The following SLCO4C1 variants were observed in gnomAD, a reference collection of about 807,000 sequenced individuals.
The protein encoded by SLCO4C1 is solute carrier organic anion transporter family member 4C1, also known as organic anion transporter M1.
A neutral mutation model predicts 72.1 loss-of-function variants in SLCO4C1; 58 were observed. The observed-to-expected ratio is 0.80, with a 90% CI of 0.65 to 1.00. SLCO4C1 has a LOEUF of 1.00. Ranked by LOEUF, SLCO4C1 falls within the 50% of genes least tolerant of loss-of-function variation. SLCO4C1 has a pLI of 0.00. For missense variants in SLCO4C1, 898 were observed against 857.9 expected, an observed-to-expected ratio of 1.05 and a Z score of -0.58; for synonymous variants, 297 against 312.5, an observed-to-expected ratio of 0.95 and a Z score of 0.52.
chr5:102,239,662 T>C (rs1258983746), intron 11 of SLCO4C1, among the ~76,000 whole-genome samples: 1 of 152,016 alleles, frequency 6.6e-6, no homozygotes, highest in African/African-American at 2.4e-5. Flanking sequence ...ATATTTTAAT[T>C]CACCACTTTT....
intron 10 of SLCO4C1, among the ~76,000 whole-genome samples, chr5:102,244,718 G>A (rs1414583759): frequency 6.6e-6 from 1 of 152,156 alleles, no homozygotes; most frequent in Non-Finnish European, 1.5e-5. Flanking sequence ...AAACCTCATA[G>A]GCCAGGAGAG....
At chr5:102,293,427 C>T (rs1749591947) in intron 1 of SLCO4C1, among the ~76,000 whole-genome samples, 1 of 151,886 alleles carries the variant, frequency 6.6e-6, no homozygotes, top group Admixed American at 6.5e-5. Context: ...GTTCCAAGAA[C>T]ACTACTTAAA....
chr5:102,239,928 G>A (rs1291333106), intron 11 of SLCO4C1, among the ~76,000 whole-genome samples: 1 of 151,970 alleles, frequency 6.6e-6, no homozygotes, highest in Non-Finnish European at 1.5e-5. Context: ...GAGGCCATGA[G>A]GTACTCAACT....
chr5:102,252,644 ATAAT>A (rs1368937870), intron 8 of SLCO4C1, among the ~76,000 whole-genome samples: 2 of 152,206 alleles, frequency 1.3e-5, no homozygotes, highest in East Asian at 1.9e-4. Flanking sequence ...TTATTGATAA[ATAAT>A]TACTGAGATC....
chr5:102,239,529 A>C (rs1193802616), intron 11 of SLCO4C1, 141 bp from the exon 12 acceptor site: 1 of 494,142 alleles, frequency 2.0e-6, no homozygotes, highest in African/African-American at 2.0e-5. Flanking sequence ...TTCATGTACA[A>C]GTCAAAGAAA....
intron 5 of SLCO4C1, among the ~76,000 whole-genome samples, chr5:102,261,516 G>T (rs1001577514): frequency 6.9e-6 from 1 of 144,782 alleles, no homozygotes; most frequent in Non-Finnish European, 1.5e-5. Context: ...AAAAAAAAAA[G>T]TACTTGCACT....
chr5:102,261,591 A>T (rs1474529449), intron 5 of SLCO4C1, among the ~76,000 whole-genome samples: 2 of 152,318 alleles, frequency 1.3e-5, no homozygotes, highest in Non-Finnish European at 2.9e-5. Flanking sequence ...AACTGAATAC[A>T]AACTAACAGT....
At position 102,261,096 on chromosome 5, in the gene SLCO4C1, A is replaced by C. The variant is rs187536613; in HGVS notation, c.1022-777T>G. ...AGAAAAATGAATAGTCTTTCTTATTAACCTTTTCTTTTTATATAGAATGTT... is the reference window on the plus strand; with the variant it reads ...AGAAAAATGAATAGTCTTTCTTATTCACCTTTTCTTTTTATATAGAATGTT... On this transcript the variant is annotated intron_variant, in intron 5 of 12. Transcript: ENST00000310954. Among the ~76,000 whole-genome samples, 172 of 152,318 alleles carry C rather than the reference A, an allele frequency of 1.1e-3. 1 individual carries two copies. The highest frequency in any genetic ancestry group is 5.9e-4 in the Non-Finnish European group (40 of 68,020).
intron 10 of SLCO4C1, among the ~76,000 whole-genome samples, chr5:102,245,997 A>G (rs1307424238): frequency 6.6e-6 from 1 of 152,070 alleles, no homozygotes; most frequent in African/African-American, 2.4e-5. Context: ...AACAAATGAT[A>G]ATGAAAACAA....
At chr5:102,285,836 AG>A (rs1172471861) in intron 2 of SLCO4C1, among the ~76,000 whole-genome samples, 1 of 152,184 alleles carries the variant, frequency 6.6e-6, no homozygotes, top group Non-Finnish European at 1.5e-5. Flanking sequence ...AAGAAAAATA[AG>A]TGACTTCCGT....
chr5:102,265,955 C>A (rs3114666), intron 3 of SLCO4C1, among the ~76,000 whole-genome samples: 88,393 of 151,882 alleles, frequency 0.58, 26,346 homozygotes, highest in East Asian at 0.69. Flanking sequence ...GCATGGGATG[C>A]CTTTCCATTT....
chr5:102,255,268 C>T (rs1748813736), intron 8 of SLCO4C1, among the ~76,000 whole-genome samples: 1 of 152,164 alleles, frequency 6.6e-6, no homozygotes, highest in African/African-American at 2.4e-5. Flanking sequence ...CCCCATCACA[C>T]ATGCCTTCCT....
At chr5:102,253,508 A>G (rs1580245618) in intron 8 of SLCO4C1, among the ~76,000 whole-genome samples, 1 of 152,062 alleles carries the variant, frequency 6.6e-6, no homozygotes, top group African/African-American at 2.4e-5. Flanking sequence ...AAGTGGGGCA[A>G]GTGTTGAAAA....
At chr5:102,293,822 C>T (rs1340787895) in intron 1 of SLCO4C1, among the ~76,000 whole-genome samples, 1 of 152,188 alleles carries the variant, frequency 6.6e-6, no homozygotes, top group East Asian at 1.9e-4. Flanking sequence ...GCAACCTCCA[C>T]CTCCCGGGTT....
rs985780433 is a variant in SLCO4C1 at position 102,295,933 on chromosome 5, G to A, written c.330C>T (p.His110=). 2 of 1,613,996 alleles carry A rather than the reference G, an allele frequency of 1.2e-6. No individual in the cohort carries two copies. Among genetic ancestry groups the A allele is most frequent in the African/African-American group, 1.3e-5 (1 of 74,958 alleles). Residue 110 remains histidine, a synonymous_variant, in exon 1 of 13, where the codon CAC becomes CAT. Coordinates refer to ENST00000310954, the MANE Select transcript of SLCO4C1 (RefSeq NM_180991.5). ...RCNTPGGFLL[H]YCLLAVTQGI... The stretch of plus-strand genomic sequence containing the variant: ...CTTGCGTGACGGCCAAGAGGCAGTA[G>A]TGAAGCAGAAAGCCTCCAGGTGTGT...
chr5:102,238,677 A>G (rs1748482605), intron 12 of SLCO4C1, among the ~76,000 whole-genome samples: 1 of 152,120 alleles, frequency 6.6e-6, no homozygotes. Context: ...TTAAATTTCA[A>G]CTTTTATTTT....
At chr5:102,291,632 A>G (rs1208001499) in intron 1 of SLCO4C1, 26 bp from the exon 2 acceptor site, 4 of 1,556,576 alleles carry the variant, frequency 2.6e-6, no homozygotes, top group Non-Finnish European at 3.5e-6. Flanking sequence ...GTTGATGTGC[A>G]TCATTAATAT....
chr5:102,280,690 A>G (rs1326235631), intron 2 of SLCO4C1, among the ~76,000 whole-genome samples: 2 of 152,166 alleles, frequency 1.3e-5, no homozygotes, highest in East Asian at 1.9e-4. Flanking sequence ...TACATCTTAC[A>G]TGGTCGCAGG....
chr5:102,285,019 T>C (rs1042542055), intron 2 of SLCO4C1, among the ~76,000 whole-genome samples: 2 of 152,136 alleles, frequency 1.3e-5, no homozygotes, highest in Non-Finnish European at 2.9e-5. Context: ...TTTCTCTCTA[T>C]ATCCACAGTT....
Sources: allele counts gnomAD v4.1 joint callset (sites outside exome capture counted in the v4.1 genomes callset), GRCh38; gene constraint gnomAD v4.1.1; transcripts MANE v1.5; gene names NCBI Gene and HGNC (gene_info 2026-07-23, HGNC 2026-07-21).